NRP2: variants seen among roughly 807,000 people sequenced by gnomAD.
NRP2 encodes the protein neuropilin 2.
NRP2 carries 52 observed loss-of-function variants against 110.4 expected under a neutral mutation model. The observed-to-expected ratio is 0.47, with a 90% CI of 0.38 to 0.59. The LOEUF (loss-of-function observed/expected upper bound fraction) is 0.59, where lower values mean the gene tolerates loss of function less well. NRP2 is among the 20% of genes least tolerant of loss of function. The pLI is 0.00. For missense variants in NRP2, 1,049 were observed against 1,203.0 expected, an observed-to-expected ratio of 0.87 and a Z score of 1.89; for synonymous variants, 508 against 468.9, an observed-to-expected ratio of 1.08 and a Z score of -1.08.
intron 11 of NRP2, among the ~76,000 whole-genome samples, chr2:205,751,222 A>G (rs1050539079): frequency 2.0e-5 from 3 of 152,162 alleles, no homozygotes; most frequent in Non-Finnish European, 4.4e-5. Flanking sequence ...TGACAATCAA[A>G]GGAAAAATTA....
Position 205,741,329 on chromosome 2 carries a change from A to G in NRP2, c.1291+666A>G, listed in dbSNP as rs117442604. ...GGAAGACTTCTTTGAGGAGGTGATG[A>G]TTGAGGTGAGGTTAGAAGGCAAATA... On this transcript the variant is annotated intron_variant, in intron 8 of 16. Coordinates refer to ENST00000357785, the MANE Select transcript of NRP2 (RefSeq NM_003872.3). Among the ~76,000 whole-genome samples, 10 of 152,336 alleles carry G rather than the reference A, an allele frequency of 6.6e-5. No homozygotes were observed. The East Asian group carries it at 1.9e-3, about 29-fold the overall frequency.
chr2:205,730,100 G>A (rs566663579), intron 7 of NRP2, among the ~76,000 whole-genome samples: 3 of 152,316 alleles, frequency 2.0e-5, no homozygotes, highest in South Asian at 4.1e-4. Flanking sequence ...ATTAGGCATC[G>A]CCCCACTCTC....
intron 1 of NRP2, among the ~76,000 whole-genome samples, chr2:205,684,947 C>T (rs1304004467): frequency 6.6e-6 from 1 of 152,230 alleles, no homozygotes; most frequent in African/African-American, 2.4e-5. Flanking sequence ...CCCCAGCGCG[C>T]GAGCGCGCAC....
chr2:205,752,344 C>CGCCGTATCATTAAAAA, intron 11 of NRP2: 19 of 203,262 alleles, frequency 9.3e-5, no homozygotes, highest in Admixed American at 2.7e-4. Context: ...TTTCTGAGGT[C>CGCCGTATCATTAAAAA]ACTTTCTCCT....
At chr2:205,717,738 G>A (rs13021860) in intron 3 of NRP2, among the ~76,000 whole-genome samples, 69,559 of 152,052 alleles carry the variant, frequency 0.46, 16,352 homozygotes, top group Middle Eastern at 0.59. Flanking sequence ...CCTGAGTCTT[G>A]TGCAAAATTC....
intron 1 of NRP2, 56 bp downstream of exon 1, chr2:205,683,419 A>G: frequency 7.6e-7 from 1 of 1,317,044 alleles, no homozygotes; most frequent in Non-Finnish European, 1.1e-6. Flanking sequence ...TTTAAAAGTG[A>G]CCGCTAAAGC....
chr2:205,700,174 T>C (rs1254880274), intron 2 of NRP2, among the ~76,000 whole-genome samples: 1 of 152,246 alleles, frequency 6.6e-6, no homozygotes, highest in Non-Finnish European at 1.5e-5. Context: ...AGTTCTGTCT[T>C]GTTCCGGCTC....
intron 7 of NRP2, among the ~76,000 whole-genome samples, chr2:205,734,538 G>T (rs2057307936): frequency 6.6e-6 from 1 of 152,086 alleles, no homozygotes; most frequent in Non-Finnish European, 1.5e-5. Flanking sequence ...CAGAGCAGAT[G>T]CAAGGGAAGG....
intron 12 of NRP2, among the ~76,000 whole-genome samples, chr2:205,761,142 A>G (rs2057814986): frequency 6.6e-6 from 1 of 152,178 alleles, no homozygotes; most frequent in African/African-American, 2.4e-5. Context: ...TGAAGGGATT[A>G]TATCTAAGGG....
At chr2:205,685,285 C>T (rs1279666404) in intron 1 of NRP2, among the ~76,000 whole-genome samples, 3 of 152,190 alleles carry the variant, frequency 2.0e-5, no homozygotes, top group African/African-American at 4.8e-5. Context: ...GGATTCGAAG[C>T]TGGGACCTGC....
chr2:205,754,194 G>A (rs1389272168), intron 12 of NRP2, among the ~76,000 whole-genome samples: 4 of 152,238 alleles, frequency 2.6e-5, no homozygotes, highest in Admixed American at 2.6e-4. Context: ...AAATTTAGTA[G>A]ATCAGTTTGC....
chr2:205,773,889 C>T (rs1377311614), intron 15 of NRP2, among the ~76,000 whole-genome samples: 1 of 152,180 alleles, frequency 6.6e-6, no homozygotes, highest in Non-Finnish European at 1.5e-5. Context: ...CTGCTCCCAC[C>T]TCTGTGGTCT....
chr2:205,767,035 G>A (rs1275930631), intron 15 of NRP2: 1 of 592,240 alleles, frequency 1.7e-6, no homozygotes, highest in East Asian at 2.9e-5. Context: ...CCTATTAATA[G>A]AGACAAATAG....
At chr2:205,715,424 A>G (rs552107702) in intron 2 of NRP2, among the ~76,000 whole-genome samples, 2 of 152,204 alleles carry the variant, frequency 1.3e-5, no homozygotes, top group Non-Finnish European at 2.9e-5. Context: ...GTGTGCACGT[A>G]GACAGTGGGC....
intron 15 of NRP2, among the ~76,000 whole-genome samples, chr2:205,785,670 C>A (rs1274308760): frequency 6.6e-6 from 1 of 152,214 alleles, no homozygotes; most frequent in African/African-American, 2.4e-5. Flanking sequence ...TCTCTGGCTG[C>A]ATTTTTCTTC....
chr2:205,732,612 T>A (rs1038574008), intron 7 of NRP2, among the ~76,000 whole-genome samples: 2 of 152,188 alleles, frequency 1.3e-5, no homozygotes, highest in African/African-American at 4.8e-5. Context: ...CGGATATAAT[T>A]AATGGAGTAG....
chr2:205,746,648 G>A (rs1261173512), intron 10 of NRP2, among the ~76,000 whole-genome samples: 1 of 152,190 alleles, frequency 6.6e-6, no homozygotes, highest in African/African-American at 2.4e-5. Context: ...TGGGGCTCAG[G>A]GACTGAGCCT....
intron 10 of NRP2, among the ~76,000 whole-genome samples, chr2:205,746,961 G>C (rs1410251367): frequency 1.3e-5 from 2 of 152,190 alleles, no homozygotes; most frequent in Non-Finnish European, 2.9e-5. Flanking sequence ...TTCATAGGAA[G>C]ACACTTAACT....
At chr2:205,783,996 T>C (rs1341126523) in intron 15 of NRP2, among the ~76,000 whole-genome samples, 1 of 28,478 alleles carries the variant, frequency 3.5e-5, no homozygotes, top group Non-Finnish European at 7.9e-5. Context: ...AGTGCATCTC[T>C]CTCTGACACA....
Sources: allele counts gnomAD v4.1 joint callset (sites outside exome capture counted in the v4.1 genomes callset), GRCh38; gene constraint gnomAD v4.1.1; transcripts MANE v1.5; gene names NCBI Gene and HGNC (gene_info 2026-07-23, HGNC 2026-07-21).